The following ADAM17 variants were observed in gnomAD, a reference collection of about 807,000 sequenced individuals.
The protein encoded by ADAM17 is disintegrin and metalloproteinase domain-containing protein 17.
In ADAM17, 39 loss-of-function variants were observed where a neutral mutation model predicts 96.7. That is an observed-to-expected ratio of 0.40 (90% CI 0.31 to 0.53). The LOEUF is 0.53. ADAM17 is among the 20% of genes least tolerant of loss of function. The probability of loss-of-function intolerance (pLI) is 0.44; values close to 1 mark genes in which losing one functional copy is unlikely to be tolerated. For synonymous variants in ADAM17, 344 were observed against 359.2 expected, an observed-to-expected ratio of 0.96 and a Z score of 0.48; for missense variants, 777 against 1,013.2, an observed-to-expected ratio of 0.77 and a Z score of 3.17.
chr2:9,517,894 A>C lies in ADAM17; in HGVS notation c.1191+7T>G, dbSNP rs767956801. 3.2e-6 allele frequency: 5 copies of C among 1,559,106 alleles called. No homozygotes were observed. In the African/African-American group the frequency reaches 5.5e-5, roughly 17 times the overall value. ...AACACTATTCTTTTAGAAATAAAAG[A>C]ACATACCTTTGTAAGGATGGTTTTA... On this transcript the variant is annotated splice_region_variant and intron_variant, in intron 10 of 18. Transcript: ENST00000310823.
chr2:9,505,776 A>G (rs1663351092), intron 11 of ADAM17, among the ~76,000 whole-genome samples: 1 of 152,196 alleles, frequency 6.6e-6, no homozygotes, highest in African/African-American at 2.4e-5. Flanking sequence ...CTGTAGGTTA[A>G]TGTTGTCCCA....
intron 14 of ADAM17, 129 bp from the exon 15 acceptor site, chr2:9,494,896 A>G: frequency 8.7e-7 from 1 of 1,146,866 alleles, no homozygotes; most frequent in Non-Finnish European, 1.2e-6. Context: ...TTAAATAGCT[A>G]ATACTATCCA....
rs1572862329 is a variant in ADAM17, at chr2:9,488,568, A to G, written c.*1609T>C. ...CCTGAGCAGCTTGTTAATTCTATAA[A>G]TGACAAAGACTATGTTTTTAAAAAG... is the stretch of plus-strand genomic sequence containing the variant. On this transcript the variant is annotated 3_prime_UTR_variant, in exon 19 of 19. Coordinates refer to ENST00000310823, the MANE Select transcript of ADAM17 (RefSeq NM_003183.6). 2.9e-6 allele frequency: 1 copy of G among 343,974 alleles called. No homozygotes were observed. The highest frequency in any genetic ancestry group is 4.6e-5 in the East Asian group (1 of 21,904). 21.3% of individuals were successfully genotyped at this position (343,974 alleles called of 1,614,324 possible). A position where few individuals can be genotyped will look rare whatever the true frequency, so the allele number is the denominator to read the frequency against.
At position 9,523,233 on chromosome 2, in the gene ADAM17, AT is replaced by A. The variant is rs765518771; in HGVS notation, c.843+15del. 2 of 1,562,640 alleles carry A rather than the reference AT, an allele frequency of 1.3e-6. No individual in the cohort carries two copies. Among genetic ancestry groups the A allele is most frequent in the Non-Finnish European group, 1.8e-6 (2 of 1,140,702 alleles). On this transcript the variant is annotated intron_variant, in intron 7 of 18. Transcript: ENST00000310823. ...ACAAAACTTAAGTAATATAAGCCAT[AT>A]CTATTGATAAATACCTGCTCTATCT...
In ADAM17 at chr2:9,489,638, A is replaced by AT. The variant is rs1431250157; in HGVS notation, c.*538dup. The AT allele has an allele frequency of 6.6e-6, 1 of 151,916 alleles. No homozygotes were observed. Among genetic ancestry groups the AT allele is most frequent in the Non-Finnish European group, 1.5e-5 (1 of 67,976 alleles). The allele number at this position is 151,916 out of a possible 1,614,324, so 9.4% of individuals were successfully genotyped here. A position where few individuals can be genotyped will look rare whatever the true frequency, so the allele number is the denominator to read the frequency against. On this transcript the variant is annotated 3_prime_UTR_variant, in exon 19 of 19. Coordinates refer to ENST00000310823, the MANE Select transcript of ADAM17 (RefSeq NM_003183.6). ...TTTAGATATATATTTTCCCTGCTAC[A>AT]TAAAAACTCTGGGTAATAACTAGAA...
At chr2:9,527,548 C>T (rs952417412) in intron 5 of ADAM17, 87 of 296,954 alleles carry the variant, frequency 2.9e-4, no homozygotes, top group African/African-American at 1.8e-3. Flanking sequence ...CTCCATTTCC[C>T]TTTTCCCTAA....
intron 14 of ADAM17, among the ~76,000 whole-genome samples, chr2:9,496,012 C>A (rs899582004): frequency 6.6e-6 from 1 of 151,798 alleles, no homozygotes; most frequent in Non-Finnish European, 1.5e-5. Context: ...TCTTCTTTAC[C>A]TACACATTAT....
intron 8 of ADAM17, among the ~76,000 whole-genome samples, chr2:9,520,346 T>G (rs563607543): frequency 1.3e-5 from 2 of 152,230 alleles, no homozygotes; most frequent in Non-Finnish European, 2.9e-5. Context: ...CAGCACCCTG[T>G]TATACGGCAA....
At chr2:9,514,252 G>GC (rs1218955694) in intron 10 of ADAM17, among the ~76,000 whole-genome samples, 4 of 148,408 alleles carry the variant, frequency 2.7e-5, no homozygotes, top group African/African-American at 9.9e-5. Flanking sequence ...GCAAACTATC[G>GC]CAAGGACAAA....
chr2:9,553,376 T>TA (rs796712244), intron 1 of ADAM17, among the ~76,000 whole-genome samples: 183 of 144,488 alleles, frequency 1.3e-3, no homozygotes, highest in Middle Eastern at 7.1e-3. Flanking sequence ...ATATTTCGTT[T>TA]AAAAAAAAAA....
chr2:9,520,695 G>A (rs1664269688), intron 8 of ADAM17, among the ~76,000 whole-genome samples: 3 of 152,102 alleles, frequency 2.0e-5, no homozygotes, highest in Non-Finnish European at 4.4e-5. Flanking sequence ...CGGGCATGGT[G>A]GCTCACACTT....
At chr2:9,544,940 C>G (rs964382520) in intron 1 of ADAM17, among the ~76,000 whole-genome samples, 3 of 152,160 alleles carry the variant, frequency 2.0e-5, no homozygotes, top group African/African-American at 7.2e-5. Flanking sequence ...ACAAACTGCA[C>G]GAATTCTCAG....
rs180921768 is a variant in ADAM17, at chr2:9,540,188, G to A, written c.230+2965C>T. Among the ~76,000 whole-genome samples, 25 of 152,282 alleles carry A rather than the reference G, an allele frequency of 1.6e-4. No individual in the cohort carries two copies. In the East Asian group the frequency reaches 4.6e-3, roughly 28 times the overall value. On this transcript the variant is annotated intron_variant, in intron 2 of 18. Coordinates refer to ENST00000310823, the MANE Select transcript of ADAM17 (RefSeq NM_003183.6). ...AGAAACCCAAAAAGCTAAACTTTGA[G>A]TTCTTTTCATTTTATAGTTTCCTCA...
chr2:9,497,372 C>T, intron 13 of ADAM17, 124 bp from the exon 14 acceptor site: 1 of 1,256,468 alleles, frequency 8.0e-7, no homozygotes, highest in African/African-American at 1.5e-5. Context: ...AAGTGACCTA[C>T]AGAGCTAGGA....
At chr2:9,544,302 G>A (rs1665325281) in intron 1 of ADAM17, among the ~76,000 whole-genome samples, 1 of 152,292 alleles carries the variant, frequency 6.6e-6, no homozygotes, top group South Asian at 2.1e-4. Flanking sequence ...CACTTTGGGA[G>A]GCCAAGGATC....
intron 13 of ADAM17, 70 bp from the exon 14 acceptor site, chr2:9,497,318 C>G: frequency 1.9e-6 from 3 of 1,579,204 alleles, no homozygotes; most frequent in Non-Finnish European, 2.6e-6. Context: ...GTGCATAATA[C>G]GCTGTTTCTC....
intron 2 of ADAM17, among the ~76,000 whole-genome samples, chr2:9,537,907 GAGGGGGAGGA>G: frequency 2.2e-5 from 1 of 46,150 alleles, no homozygotes; most frequent in Non-Finnish European, 4.8e-5. Flanking sequence ...GAGGGGAGGA[GAGGGGGAGGA>G]GAGGGGAGGA....
intron 1 of ADAM17, 138 bp downstream of exon 1, chr2:9,555,371 C>A: frequency 1.5e-6 from 1 of 676,858 alleles, no homozygotes; most frequent in Non-Finnish European, 2.4e-6. Flanking sequence ...GCCACACCCC[C>A]TTCTACACTG....
intron 4 of ADAM17, among the ~76,000 whole-genome samples, chr2:9,533,013 A>C (rs1365197672): frequency 6.6e-6 from 1 of 151,906 alleles, no homozygotes; most frequent in Non-Finnish European, 1.5e-5. Context: ...ACACAGTGAA[A>C]CCCCATCTCT....
Sources: allele counts gnomAD v4.1 joint callset (sites outside exome capture counted in the v4.1 genomes callset), GRCh38; gene constraint gnomAD v4.1.1; transcripts MANE v1.5; gene names NCBI Gene and HGNC (gene_info 2026-07-23, HGNC 2026-07-21).